The following SIPA1L1 variants were observed in gnomAD, a reference collection of about 807,000 sequenced individuals.
The protein encoded by SIPA1L1 is signal-induced proliferation-associated 1-like protein 1.
A neutral mutation model predicts 162.7 loss-of-function variants in SIPA1L1; 26 were observed. That is an observed-to-expected ratio of 0.16 (90% CI 0.12 to 0.22). SIPA1L1 has a LOEUF of 0.22. Among genes scored for constraint, SIPA1L1 ranks in the 10% least tolerant of loss-of-function variants. The pLI, the probability that SIPA1L1 is intolerant of heterozygous loss-of-function variation, is 1.00. For missense variants in SIPA1L1, 1,874 were observed against 2,241.0 expected (o/e 0.84, Z 3.31); for synonymous variants, 829 against 837.4 (o/e 0.99, Z 0.17).
At chr14:71,738,605 G>GT (rs1191384391) in intron 23 of SIPA1L1, among the ~76,000 whole-genome samples, 1 of 152,110 alleles carries the variant, frequency 6.6e-6, no homozygotes, top group Non-Finnish European at 1.5e-5. Flanking sequence ...CTTGTGTAAT[G>GT]TGTCAGTAGC....
At chr14:71,401,853 G>T (rs1399757103) in intron 2 of SIPA1L1, among the ~76,000 whole-genome samples, 2 of 151,940 alleles carry the variant, frequency 1.3e-5, no homozygotes, top group East Asian at 3.8e-4. Flanking sequence ...TGTTTTTCCA[G>T]TTTTTTTCTG....
intron 10 of SIPA1L1, among the ~76,000 whole-genome samples, chr14:71,670,584 C>G (rs961815207): frequency 2.6e-4 from 40 of 152,276 alleles, no homozygotes; most frequent in African/African-American, 9.4e-4. Flanking sequence ...CTTAGGCCAA[C>G]AAATACTAGT....
chr14:71,633,295 G>C (rs2040792114), intron 7 of SIPA1L1, among the ~76,000 whole-genome samples: 1 of 152,104 alleles, frequency 6.6e-6, no homozygotes, highest in Non-Finnish European at 1.5e-5. Context: ...TGAGTAATGT[G>C]TGTATTTTTA....
At position 71,544,290 on chromosome 14, in the gene SIPA1L1, CAT is replaced by C. The variant is rs150008696; in HGVS notation, c.-303+14927_-303+14928del. Among the ~76,000 whole-genome samples, 628 of 105,970 alleles carry C rather than the reference CAT, an allele frequency of 5.9e-3. 3 individuals carry two copies. Among genetic ancestry groups the C allele is most frequent in the African/African-American group, 0.014 (521 of 36,594 alleles). The allele number at this position is 105,970 out of a possible 152,430, so 69.5% of individuals were successfully genotyped here. On this transcript the variant is annotated intron_variant, in intron 4 of 23. Transcript: ENST00000381232. ...ATGTGTATATACATATGTGTATATA[CAT>C]ATATATCATGTGTGTATATACATAT...
At chr14:71,698,241 G>A (rs1202427741) in intron 13 of SIPA1L1, among the ~76,000 whole-genome samples, 1 of 152,234 alleles carries the variant, frequency 6.6e-6, no homozygotes, top group Non-Finnish European at 1.5e-5. Flanking sequence ...CTAGAGTAGA[G>A]GAGGTAGAGG....
rs192582669 is a variant in SIPA1L1, at chr14:71,739,337, T to A, written c.*176T>A. ...AGATCAACAATCATCACCTGCCTTTTGTAGAAAAGAAAAACAAAAAAAGTA... is the reference window on the plus strand; with the variant it reads ...AGATCAACAATCATCACCTGCCTTTAGTAGAAAAGAAAAACAAAAAAAGTA... On this transcript the variant is annotated 3_prime_UTR_variant, in exon 24 of 24. Coordinates refer to ENST00000381232, the MANE Select transcript of SIPA1L1 (RefSeq NM_001386936.1). 9 of 438,782 alleles carry A rather than the reference T, an allele frequency of 2.1e-5. No individual in the cohort carries two copies. Among genetic ancestry groups the A allele is most frequent in the African/African-American group, 1.6e-4 (8 of 49,804 alleles). 27.2% of individuals were successfully genotyped at this position (438,782 alleles called of 1,614,324 possible).
intron 4 of SIPA1L1, among the ~76,000 whole-genome samples, chr14:71,546,378 T>TCA: frequency 7.1e-6 from 1 of 141,572 alleles, no homozygotes; most frequent in South Asian, 2.3e-4. Context: ...TTTTCTTTCT[T>TCA]TTTTTTTTTT....
intron 4 of SIPA1L1, among the ~76,000 whole-genome samples, chr14:71,578,776 A>G (rs757935361): frequency 1.3e-5 from 2 of 152,214 alleles, no homozygotes; most frequent in Non-Finnish European, 2.9e-5. Flanking sequence ...AGATCAAACA[A>G]TCCAACTCTT....
At chr14:71,409,895 C>A (rs2042287427) in intron 2 of SIPA1L1, among the ~76,000 whole-genome samples, 1 of 152,164 alleles carries the variant, frequency 6.6e-6, no homozygotes, top group Non-Finnish European at 1.5e-5. Flanking sequence ...GTTAGCTTAT[C>A]AAAGTCATTT....
intron 5 of SIPA1L1, 25 bp from the exon 6 acceptor site, chr14:71,618,731 CT>C (rs773017674): frequency 1.2e-6 from 2 of 1,603,032 alleles, no homozygotes; most frequent in Non-Finnish European, 1.7e-6. Context: ...GATTTTCTAA[CT>C]TTGTTTTGTC....
chr14:71,711,321 C>G (rs1054424999), intron 17 of SIPA1L1, among the ~76,000 whole-genome samples: 25 of 152,212 alleles, frequency 1.6e-4, no homozygotes, highest in African/African-American at 3.1e-4. Flanking sequence ...CAGAATCACA[C>G]AAGACAGAAT....
chr14:71,607,698 G>T (rs1447321124), intron 5 of SIPA1L1, among the ~76,000 whole-genome samples: 1 of 152,166 alleles, frequency 6.6e-6, no homozygotes, highest in Non-Finnish European at 1.5e-5. Flanking sequence ...GAAGGTCCTT[G>T]GTTCTGAGAC....
chr14:71,671,516 A>G lies in SIPA1L1; in HGVS notation c.2653A>G (p.Ile885Val), dbSNP rs368142394. The G allele has an allele frequency of 3.1e-6, 5 of 1,614,194 alleles. No individual in the cohort carries two copies. In the East Asian group the frequency reaches 8.9e-5, roughly 29 times the overall value. Residue 885 changes from isoleucine (I) to valine (V), a missense_variant, in exon 11 of 24, where the codon ATT becomes GTT. Ile to Val is a conservative substitution (Grantham distance 29, BLOSUM62 3). Transcript: ENST00000381232. ...CCTTTTAGGGATCTCCAATGAGTTC[A>G]TTGTGCTCATTGAACAGGAAACAAA... ...DCLLGISNEF[I>V]VLIEQETKSV... is the part of the protein sequence containing the mutation.
intron 5 of SIPA1L1, among the ~76,000 whole-genome samples, chr14:71,599,269 G>C (rs553162399): frequency 1.7e-3 from 252 of 148,798 alleles, no homozygotes; most frequent in African/African-American, 6.1e-3. Flanking sequence ...TCCTGCCTCA[G>C]CCTCCCGAGT....
chr14:71,730,165 C>G lies in SIPA1L1; in HGVS notation c.4725C>G (p.His1575Gln). Residue 1575 changes from histidine to glutamine, a missense_variant, in exon 20 of 24, where the codon CAC becomes CAG. Physicochemically the swap from His to Gln is conservative, Grantham distance 24 (BLOSUM62 0). This residue lies in a region of SIPA1L1 where 936 missense variants were observed against 1,051.9 expected (regional missense o/e 0.89). Transcript: ENST00000381232. ...DESIYNSQREHFFTSRASLLD... is the reference protein window; with the variant it reads ...DESIYNSQREQFFTSRASLLD... Reference sequence around the variant, plus strand: ...GCATTTACAATAGCCAGAGGGAGCACTTTTTCACCTCCAGGGCGTCACTTC... The same window carrying G: ...GCATTTACAATAGCCAGAGGGAGCAGTTTTTCACCTCCAGGGCGTCACTTC... 2 of 1,614,176 alleles carry G rather than the reference C, an allele frequency of 1.2e-6. No homozygotes were observed. Among genetic ancestry groups the G allele is most frequent in the South Asian group, 1.1e-5 (1 of 91,082 alleles).
At chr14:71,620,752 A>G (rs749846269) in intron 6 of SIPA1L1, among the ~76,000 whole-genome samples, 1 of 152,098 alleles carries the variant, frequency 6.6e-6, no homozygotes, top group African/African-American at 2.4e-5. Context: ...TGTGAACCAC[A>G]CCAACTCTTA....
Position 71,413,559 on chromosome 14 carries a change from G to A in SIPA1L1, c.-465+92378G>A, listed in dbSNP as rs144395222. Among the ~76,000 whole-genome samples the A allele has an allele frequency of 5.7e-3, 874 of 152,256 alleles. 13 individuals are homozygous for A. Among genetic ancestry groups the A allele is most frequent in the African/African-American group, 0.02 (827 of 41,546 alleles). ...TCAAGATTAGCCTGGCCAACATGGT[G>A]AAACCCCGTCTCTGCTAAAAACACA... On this transcript the variant is annotated intron_variant, in intron 2 of 23. Coordinates refer to ENST00000381232, the MANE Select transcript of SIPA1L1 (RefSeq NM_001386936.1).
At chr14:71,667,768 A>G (rs553689797) in intron 10 of SIPA1L1, among the ~76,000 whole-genome samples, 8 of 152,302 alleles carry the variant, frequency 5.3e-5, no homozygotes, top group Admixed American at 2.6e-4. Context: ...TAAACTGTTC[A>G]GAAGTCTTTG....
chr14:71,452,303 G>A (rs2045889574), intron 2 of SIPA1L1, among the ~76,000 whole-genome samples: 3 of 151,854 alleles, frequency 2.0e-5, no homozygotes, highest in Admixed American at 2.0e-4. Context: ...AATATAATAT[G>A]TACTCTTTGG....
Sources: allele counts gnomAD v4.1 joint callset (sites outside exome capture counted in the v4.1 genomes callset), GRCh38; gene constraint gnomAD v4.1.1; regional missense constraint gnomAD v4.1.1; transcripts MANE v1.5; gene names NCBI Gene and HGNC (gene_info 2026-07-23, HGNC 2026-07-21).